Variants in PARD3 observed in about 807,000 individuals in gnomAD.
PARD3 encodes partitioning defective 3 homolog.
PARD3 carries 75 observed loss-of-function variants against 155.4 expected under a neutral mutation model. The ratio of observed to expected loss-of-function variants is 0.48; its 90% CI spans 0.40 to 0.58. The LOEUF (loss-of-function observed/expected upper bound fraction) is 0.58. PARD3 is among the 20% of genes least tolerant of loss of function. PARD3 has a pLI of 0.00. For synonymous variants in PARD3, 576 were observed against 610.5 expected (o/e 0.94, Z 0.83); for missense variants, 1,642 against 1,721.7 (o/e 0.95, Z 0.82).
chr10:34,465,472 T>A (rs1174206577), intron 4 of PARD3, among the ~76,000 whole-genome samples: 3 of 152,270 alleles, frequency 2.0e-5, no homozygotes, highest in Middle Eastern at 6.8e-3. Flanking sequence ...CAAGTGGTTG[T>A]GTGTATCGGG....
intron 20 of PARD3, among the ~76,000 whole-genome samples, chr10:34,298,218 T>C (rs1956996138): frequency 2.0e-5 from 3 of 152,292 alleles, no homozygotes; most frequent in South Asian, 2.1e-4. Context: ...AACTGATGAG[T>C]GGCACTTCTG....
chr10:34,799,524 T>C (rs1842645162), intron 1 of PARD3, among the ~76,000 whole-genome samples: 1 of 152,172 alleles, frequency 6.6e-6, no homozygotes, highest in Non-Finnish European at 1.5e-5. Flanking sequence ...AAAGGTGCAC[T>C]TCTTCCCTGA....
chr10:34,647,314 C>A (rs901252712), intron 2 of PARD3, among the ~76,000 whole-genome samples: 1 of 152,138 alleles, frequency 6.6e-6, no homozygotes, highest in African/African-American at 2.4e-5. Flanking sequence ...AAGAGCACAC[C>A]GCACACAGTA....
intron 1 of PARD3, among the ~76,000 whole-genome samples, chr10:34,763,036 A>G (rs1457762772): frequency 6.6e-6 from 1 of 152,206 alleles, no homozygotes; most frequent in Non-Finnish European, 1.5e-5. Context: ...TTTGTTCACC[A>G]TCTTAGTAGT....
intron 22 of PARD3, among the ~76,000 whole-genome samples, chr10:34,190,246 A>T (rs1950648199): frequency 6.6e-6 from 1 of 152,208 alleles, no homozygotes. Flanking sequence ...ACAGACATTA[A>T]ACAACACAAT....
At chr10:34,153,653 C>T (rs1026857816) in intron 22 of PARD3, among the ~76,000 whole-genome samples, 1 of 152,140 alleles carries the variant, frequency 6.6e-6, no homozygotes, top group Admixed American at 6.6e-5. Context: ...TTAATTCAAA[C>T]GTCTTGTAGA....
intron 15 of PARD3, chr10:34,345,342 T>C (rs1286503760): frequency 1.0e-6 from 1 of 985,254 alleles, no homozygotes; most frequent in African/African-American, 1.7e-5. Flanking sequence ...AAGCTCCGTT[T>C]AGCCTAGAGT....
intron 2 of PARD3, among the ~76,000 whole-genome samples, chr10:34,576,708 C>CT (rs1453088361): frequency 6.6e-6 from 1 of 152,130 alleles, no homozygotes; most frequent in African/African-American, 2.4e-5. Context: ...CAGAAACAGT[C>CT]TCCAACCCAA....
chr10:34,657,820 C>G (rs964074631), intron 2 of PARD3, among the ~76,000 whole-genome samples: 1 of 151,858 alleles, frequency 6.6e-6, no homozygotes, highest in East Asian at 2.0e-4. Flanking sequence ...ATTACAGGCA[C>G]GAGCCACCAC....
intron 1 of PARD3, among the ~76,000 whole-genome samples, chr10:34,715,440 A>G (rs1393656020): frequency 6.6e-6 from 1 of 152,112 alleles, no homozygotes; most frequent in East Asian, 1.9e-4. Context: ...ATATATGACA[A>G]GATACAAGCC....
chr10:34,672,777 T>C (rs1226178113), intron 2 of PARD3, among the ~76,000 whole-genome samples: 1 of 152,238 alleles, frequency 6.6e-6, no homozygotes, highest in Non-Finnish European at 1.5e-5. Flanking sequence ...CATTTTTTTC[T>C]TCAAAATAAG....
chr10:34,146,704 C>T (rs1010920918), intron 22 of PARD3, among the ~76,000 whole-genome samples: 5 of 152,194 alleles, frequency 3.3e-5, no homozygotes, highest in African/African-American at 7.2e-5. Context: ...CTTCACTCTT[C>T]GTTCTCCTGC....
At chr10:34,260,365 AGGAGACACTGAC>A (rs1474899852) in intron 22 of PARD3, among the ~76,000 whole-genome samples, 2 of 152,222 alleles carry the variant, frequency 1.3e-5, no homozygotes, top group Non-Finnish European at 2.9e-5. Flanking sequence ...AGGGGCTCAG[AGGAGACACTGAC>A]GGAGCAGGTG....
At chr10:34,239,341 G>A (rs1024429384) in intron 22 of PARD3, among the ~76,000 whole-genome samples, 4 of 152,206 alleles carry the variant, frequency 2.6e-5, no homozygotes, top group Non-Finnish European at 5.9e-5. Flanking sequence ...AAACAGCCTG[G>A]TGGACATCAG....
chr10:34,353,300 G>C (rs1473420090), intron 14 of PARD3, among the ~76,000 whole-genome samples: 1 of 151,922 alleles, frequency 6.6e-6, no homozygotes, highest in Non-Finnish European at 1.5e-5. Flanking sequence ...GGAAAAGAAA[G>C]AGAGATCAGA....
intron 22 of PARD3, among the ~76,000 whole-genome samples, chr10:34,187,524 T>C (rs139797133): frequency 6.6e-6 from 1 of 152,234 alleles, no homozygotes; most frequent in Non-Finnish European, 1.5e-5. Flanking sequence ...CATCAAGACA[T>C]TGTCTAAAAG....
chr10:34,563,222 A>G (rs760037308), intron 2 of PARD3, among the ~76,000 whole-genome samples: 2 of 152,228 alleles, frequency 1.3e-5, no homozygotes, highest in African/African-American at 2.4e-5. Context: ...TATAAATGTA[A>G]TATTTTGAAT....
intron 5 of PARD3, among the ~76,000 whole-genome samples, chr10:34,407,182 T>C (rs1458069178): frequency 1.3e-5 from 2 of 152,192 alleles, no homozygotes; most frequent in African/African-American, 4.8e-5. Flanking sequence ...ATGTCTTTAT[T>C]TTTATTCTGA....
intron 4 of PARD3, among the ~76,000 whole-genome samples, chr10:34,458,263 C>G (rs1263988874): frequency 6.6e-6 from 1 of 152,084 alleles, no homozygotes; most frequent in Non-Finnish European, 1.5e-5. Context: ...AGTGCAGAAG[C>G]ACAATCATAG....
Sources: gnomAD v4.1 joint callset for allele counts (sites outside exome capture counted in the v4.1 genomes callset) on GRCh38, gnomAD v4.1.1 for gene constraint, MANE v1.5 for transcripts, NCBI Gene and HGNC (gene_info 2026-07-23, HGNC 2026-07-21) for gene names.